Variants in BACH2 observed in about 807,000 individuals in gnomAD.
BACH2 encodes the protein transcription regulator protein BACH2.
BACH2 carries 5 observed loss-of-function variants against 61.8 expected under a neutral mutation model. That is an observed-to-expected ratio of 0.08 (90% CI 0.04 to 0.17). BACH2 has a LOEUF of 0.17. BACH2 is among the 10% of genes least tolerant of loss of function. The pLI, the probability that BACH2 is intolerant of heterozygous loss-of-function variation, is 1.00. For missense variants in BACH2, 824 were observed against 1,091.1 expected (o/e 0.76, Z 3.45); for synonymous variants, 446 against 440.1 (o/e 1.01, Z -0.17).
At chr6:90,201,355 T>C (rs529953899) in intron 4 of BACH2, among the ~76,000 whole-genome samples, 1 of 152,348 alleles carries the variant, frequency 6.6e-6, no homozygotes, top group South Asian at 2.1e-4. Flanking sequence ...TGGGTAAATG[T>C]TACAAATCTT....
At chr6:90,143,788 A>G (rs1027326829) in intron 4 of BACH2, among the ~76,000 whole-genome samples, 1 of 152,124 alleles carries the variant, frequency 6.6e-6, no homozygotes, top group Non-Finnish European at 1.5e-5. Context: ...ACAAATACTA[A>G]TATTAAGAGC....
chr6:90,287,851 T>C (rs968308899), intron 1 of BACH2, among the ~76,000 whole-genome samples: 2 of 152,198 alleles, frequency 1.3e-5, no homozygotes, highest in Admixed American at 6.5e-5. Flanking sequence ...GTTACTTATA[T>C]ATTAGTAAAA....
At chr6:90,168,613 C>T (rs1429544002) in intron 4 of BACH2, among the ~76,000 whole-genome samples, 2 of 152,096 alleles carry the variant, frequency 1.3e-5, no homozygotes, top group African/African-American at 2.4e-5. Flanking sequence ...TAATTTTTCA[C>T]AATGCCTCCA....
chr6:90,053,440 G>A (rs1363186583), intron 5 of BACH2, among the ~76,000 whole-genome samples: 1 of 151,884 alleles, frequency 6.6e-6, no homozygotes, highest in Non-Finnish European at 1.5e-5. Context: ...CCACCCATTT[G>A]GCTAATTTAT....
chr6:90,290,117 T>C (rs1462568114), intron 1 of BACH2, among the ~76,000 whole-genome samples: 2 of 152,156 alleles, frequency 1.3e-5, no homozygotes, highest in Non-Finnish European at 2.9e-5. Flanking sequence ...GCTTAGGCAA[T>C]ACTCCAAAGG....
chr6:90,009,109 T>C (rs370608522), intron 5 of BACH2, among the ~76,000 whole-genome samples: 2 of 152,186 alleles, frequency 1.3e-5, no homozygotes, highest in African/African-American at 4.8e-5. Context: ...TTTTACCCCA[T>C]GGTAACAAAG....
At chr6:90,193,874 A>C (rs1768662032) in intron 4 of BACH2, among the ~76,000 whole-genome samples, 3 of 152,238 alleles carry the variant, frequency 2.0e-5, no homozygotes, top group African/African-American at 7.2e-5. Flanking sequence ...ATCCATGTAA[A>C]ATTTTAGGAT....
At chr6:90,220,029 C>T in intron 3 of BACH2, among the ~76,000 whole-genome samples, 1 of 152,096 alleles carries the variant, frequency 6.6e-6, no homozygotes, top group East Asian at 1.9e-4. Context: ...TAAGAACATG[C>T]AGCCGCTTGT....
intron 3 of BACH2, among the ~76,000 whole-genome samples, chr6:90,231,708 C>A (rs1281573618): frequency 6.6e-6 from 1 of 152,142 alleles, no homozygotes; most frequent in South Asian, 2.1e-4. Flanking sequence ...ATAAGAGATG[C>A]CACTTGCTAT....
intron 5 of BACH2, among the ~76,000 whole-genome samples, chr6:90,076,398 C>A (rs767830582): frequency 6.6e-6 from 1 of 152,192 alleles, no homozygotes; most frequent in Non-Finnish European, 1.5e-5. Context: ...TACAAATTGA[C>A]TAATACTTAT....
chr6:90,261,908 C>T (rs954566803), intron 2 of BACH2, among the ~76,000 whole-genome samples: 5 of 152,178 alleles, frequency 3.3e-5, no homozygotes, highest in African/African-American at 4.8e-5. Context: ...CCATCATCTC[C>T]TTATCTCCCC....
At chr6:90,078,439 C>T (rs919097039) in intron 5 of BACH2, among the ~76,000 whole-genome samples, 1 of 152,080 alleles carries the variant, frequency 6.6e-6, no homozygotes, top group Non-Finnish European at 1.5e-5. Flanking sequence ...CAACAATCCC[C>T]CAGTTGGCAT....
intron 3 of BACH2, among the ~76,000 whole-genome samples, chr6:90,244,265 T>A (rs138715681): frequency 4.6e-5 from 7 of 152,356 alleles, no homozygotes; most frequent in East Asian, 1.9e-4. Context: ...CCCAATTTCA[T>A]GTAATACAGT....
intron 4 of BACH2, among the ~76,000 whole-genome samples, chr6:90,134,160 T>C (rs1468569847): frequency 6.6e-6 from 1 of 152,116 alleles, no homozygotes; most frequent in Non-Finnish European, 1.5e-5. Flanking sequence ...CCACCAACAG[T>C]GTAAAAGTGT....
At chr6:90,155,754 C>T (rs547800254) in intron 4 of BACH2, among the ~76,000 whole-genome samples, 1 of 152,162 alleles carries the variant, frequency 6.6e-6, no homozygotes, top group Non-Finnish European at 1.5e-5. Flanking sequence ...CTATAATTTG[C>T]TTGTTTATTG....
intron 7 of BACH2, among the ~76,000 whole-genome samples, chr6:89,940,229 T>C (rs948102052): frequency 3.9e-5 from 6 of 152,094 alleles, no homozygotes; most frequent in African/African-American, 1.4e-4. Context: ...AGGCTGGTCT[T>C]GAACTCCTGG....
chr6:90,199,838 T>C (rs73752897), intron 4 of BACH2, among the ~76,000 whole-genome samples: 424 of 152,304 alleles, frequency 2.8e-3, no homozygotes, highest in African/African-American at 9.5e-3. Context: ...AAAGTGAGAA[T>C]AGAAGTGCTA....
intron 1 of BACH2, among the ~76,000 whole-genome samples, chr6:90,283,751 T>C (rs183082143): frequency 1.5e-3 from 232 of 152,062 alleles, no homozygotes; most frequent in African/African-American, 5.2e-3. Context: ...CTTACACCTA[T>C]AATCCCAGCA....
chr6:90,043,138 T>A (rs1161511736), intron 5 of BACH2, among the ~76,000 whole-genome samples: 1 of 152,174 alleles, frequency 6.6e-6, no homozygotes, highest in Non-Finnish European at 1.5e-5. Flanking sequence ...GAGGATCATG[T>A]TTGGGGGCTG....
Sources: gnomAD v4.1 joint callset for allele counts (sites outside exome capture counted in the v4.1 genomes callset) on GRCh38, gnomAD v4.1.1 for gene constraint, MANE v1.5 for transcripts, NCBI Gene and HGNC (gene_info 2026-07-23, HGNC 2026-07-21) for gene names.